The following GFOD2 variants were observed in gnomAD, a reference collection of about 807,000 sequenced individuals.
GFOD2 encodes the protein glucose-fructose oxidoreductase domain-containing protein 2.
Under a neutral mutation model 24.6 loss-of-function variants are expected in GFOD2, and 9 were observed. That is an observed-to-expected ratio of 0.37 (90% confidence interval 0.22 to 0.64). The LOEUF (loss-of-function observed/expected upper bound fraction) is 0.64. Among genes scored for constraint, GFOD2 ranks in the 30% least tolerant of loss-of-function variants. GFOD2 has a pLI of 0.65. For missense variants in GFOD2, 476 were observed against 532.5 expected (o/e 0.89, Z 1.04); for synonymous variants, 211 against 224.8 (o/e 0.94, Z 0.55).
chr16:67,713,790 A>G (rs1158341281), intron 1 of GFOD2, among the ~76,000 whole-genome samples: 1 of 152,100 alleles, frequency 6.6e-6, no homozygotes, highest in African/African-American at 2.4e-5. Context: ...CTTAACCTTC[A>G]GTCCCACTCT....
intron 1 of GFOD2, among the ~76,000 whole-genome samples, chr16:67,690,842 C>G (rs1412015814): frequency 6.6e-6 from 1 of 152,110 alleles, no homozygotes; most frequent in Non-Finnish European, 1.5e-5. Context: ...AAACACCATA[C>G]GGTCCCTTTG....
At chr16:67,688,760 A>C (rs927493642) in intron 1 of GFOD2, among the ~76,000 whole-genome samples, 2 of 136,122 alleles carry the variant, frequency 1.5e-5, no homozygotes, top group Admixed American at 1.6e-4. Flanking sequence ...TTTGAGACGG[A>C]GTCTCGCTCT....
intron 1 of GFOD2, among the ~76,000 whole-genome samples, chr16:67,710,404 C>T (rs946900649): frequency 2.6e-5 from 4 of 151,074 alleles, no homozygotes; most frequent in East Asian, 2.0e-4. Context: ...TTTTTTGAGA[C>T]GAAGTGGAGA....
chr16:67,681,372 C>T, intron 2 of GFOD2: 2 of 985,334 alleles, frequency 2.0e-6, no homozygotes, highest in Non-Finnish European at 2.4e-6. Flanking sequence ...TTTCATGCCT[C>T]AAGAGGTGAG....
At chr16:67,710,609 A>AC (rs1387859450) in intron 1 of GFOD2, among the ~76,000 whole-genome samples, 2 of 146,372 alleles carry the variant, frequency 1.4e-5, no homozygotes, top group Non-Finnish European at 3.0e-5. Context: ...TGATCCACCC[A>AC]CCTCAGCCTC....
chr16:67,680,160 T>G (rs1254091959), intron 2 of GFOD2, among the ~76,000 whole-genome samples: 2 of 152,224 alleles, frequency 1.3e-5, no homozygotes, highest in African/African-American at 4.8e-5. Context: ...CCTCCCAAAG[T>G]GCCAGGATAA....
In GFOD2 at chr16:67,675,691, T is replaced by C; in HGVS notation, c.622A>G (p.Asn208Asp). The change falls in exon 3 of 3, where the codon AAC becomes GAC. Residue 208 changes from asparagine (N) to aspartate (D), a missense_variant. Asn to Asp is a conservative substitution (Grantham distance 23). Coordinates refer to ENST00000268797, the MANE Select transcript of GFOD2 (RefSeq NM_030819.4). ...TGCCGGATGCCACGGATGGCAGCGT[T>C]CTGCCTCACGAATGTCTTGAGCAGC... ...HGLLKTFVRQ[N>D]AAIRGIRHVT... is the part of the protein sequence containing the mutation. The C allele has an allele frequency of 6.2e-7, 1 of 1,613,934 alleles. No homozygotes were observed. Among genetic ancestry groups the C allele is most frequent in the Non-Finnish European group, 8.5e-7 (1 of 1,180,040 alleles).
chr16:67,717,266 G>T (rs1449231203), intron 1 of GFOD2, among the ~76,000 whole-genome samples: 1 of 152,138 alleles, frequency 6.6e-6, no homozygotes, highest in African/African-American at 2.4e-5. Context: ...TCTTATAAGG[G>T]CAAGGGGAAA....
intron 1 of GFOD2, among the ~76,000 whole-genome samples, chr16:67,705,888 C>T (rs1032070712): frequency 2.2e-4 from 32 of 148,126 alleles, no homozygotes; most frequent in East Asian, 4.2e-4. Flanking sequence ...TGCAGTGAGC[C>T]GAGATCACGC....
intron 2 of GFOD2, among the ~76,000 whole-genome samples, chr16:67,678,382 A>C (rs960294406): frequency 2.6e-5 from 4 of 151,542 alleles, no homozygotes; most frequent in Non-Finnish European, 5.9e-5. Flanking sequence ...AGGCTGAGGC[A>C]GGAAAATCAC....
chr16:67,699,552 C>T (rs779313874), intron 1 of GFOD2, among the ~76,000 whole-genome samples: 13 of 152,028 alleles, frequency 8.6e-5, no homozygotes, highest in South Asian at 4.2e-4. Flanking sequence ...GGCGCAATCT[C>T]GGCTTACTGC....
chr16:67,705,466 G>A lies in GFOD2; in HGVS notation c.-88+13697C>T, dbSNP rs914613018. ...CAAGTTATCCACCCATCTCAGCCCC[G>A]CAAAGTGCTGAGAACACAGGCGTGA... On this transcript the variant is annotated intron_variant, in intron 1 of 2. Coordinates refer to ENST00000268797, the MANE Select transcript of GFOD2 (RefSeq NM_030819.4). Among the ~76,000 whole-genome samples the A allele has an allele frequency of 6.6e-5, 10 of 151,924 alleles. No individual in the cohort carries two copies. The East Asian group carries it at 9.7e-4, about 15-fold the overall frequency.
chr16:67,696,949 T>C (rs569419074), intron 1 of GFOD2, among the ~76,000 whole-genome samples: 1 of 152,328 alleles, frequency 6.6e-6, no homozygotes, highest in South Asian at 2.1e-4. Context: ...TTAATTTCAG[T>C]GGCTACCCTT....
intron 1 of GFOD2, among the ~76,000 whole-genome samples, chr16:67,699,778 C>T (rs1484170960): frequency 6.6e-6 from 1 of 151,860 alleles, no homozygotes; most frequent in African/African-American, 2.4e-5. Flanking sequence ...GCCACCGCGC[C>T]CAGCCTGGAT....
intron 1 of GFOD2, among the ~76,000 whole-genome samples, chr16:67,694,458 GT>G (rs905105851): frequency 6.6e-6 from 1 of 151,786 alleles, no homozygotes; most frequent in African/African-American, 2.4e-5. Flanking sequence ...TAATAAAAAA[GT>G]TTTTTTTAAT....
intron 1 of GFOD2, among the ~76,000 whole-genome samples, chr16:67,686,856 A>G (rs1204868935): frequency 6.6e-6 from 1 of 151,232 alleles, no homozygotes; most frequent in East Asian, 1.9e-4. Flanking sequence ...GAAAGAAAGA[A>G]AGACTGGAGG....
chr16:67,685,560 GA>G lies in GFOD2; in HGVS notation c.155del (p.Phe52SerfsTer32), dbSNP rs763089231. 1 of 1,614,180 alleles carries G rather than the reference GA, an allele frequency of 6.2e-7. No homozygotes were observed. The highest frequency in any genetic ancestry group is 8.5e-7 in the Non-Finnish European group (1 of 1,180,026). On this transcript the variant is annotated frameshift_variant, in exon 2 of 3. Coordinates refer to ENST00000268797, the MANE Select transcript of GFOD2 (RefSeq NM_030819.4). LOFTEE classifies it high-confidence loss of function. Reference sequence around the variant, plus strand: ...AGATGTCATCAGTCCGGCTGGTGTAGAAGGCGATGTTCATCTCCTCAGCAAG... The same window carrying G: ...AGATGTCATCAGTCCGGCTGGTGTAGAGGCGATGTTCATCTCCTCAGCAAG... ...KQLAEEMNIAFYTSRTDDILL... is the reference protein window; with the variant it reads ...KQLAEEMNIAXYTSRTDDILL...
intron 2 of GFOD2, among the ~76,000 whole-genome samples, chr16:67,679,299 C>G (rs2053206317): frequency 6.7e-6 from 1 of 148,354 alleles, no homozygotes; most frequent in African/African-American, 2.5e-5. Context: ...ATGGTACGAT[C>G]TCAGCTCACT....
Position 67,685,769 on chromosome 16 carries a change from A to T in GFOD2, c.-54T>A. ...CCTCACAAGAGCCTCTGGCATGGAT[A>T]TGATCTTCCAAACGTCCTGGTCAGA... is the stretch of plus-strand genomic sequence containing the variant. On this transcript the variant is annotated 5_prime_UTR_variant, in exon 2 of 3. Coordinates refer to ENST00000268797, the MANE Select transcript of GFOD2 (RefSeq NM_030819.4). 1 of 1,565,418 alleles carries T rather than the reference A, an allele frequency of 6.4e-7. No homozygotes were observed. The highest frequency in any genetic ancestry group is 2.2e-5 in the East Asian group (1 of 44,482).
Sources: gnomAD v4.1 joint callset for allele counts (sites outside exome capture counted in the v4.1 genomes callset) on GRCh38, gnomAD v4.1.1 for gene constraint, MANE v1.5 for transcripts, NCBI Gene and HGNC (gene_info 2026-07-23, HGNC 2026-07-21) for gene names.